Variants in SNX29 observed in about 807,000 individuals in gnomAD.
SNX29 encodes sorting nexin-29.
Under a neutral mutation model 102.1 loss-of-function variants are expected in SNX29, and 78 were observed. The observed-to-expected ratio is 0.76, with a 90% CI of 0.64 to 0.92. The LOEUF is 0.92. SNX29 is among the 40% of genes least tolerant of loss of function. The pLI is 0.00. For missense variants in SNX29, 1,280 were observed against 1,061.7 expected (o/e 1.21, Z -2.86); for synonymous variants, 580 against 414.5 (o/e 1.40, Z -4.85).
chr16:12,364,239 C>T (rs902651832), intron 16 of SNX29, among the ~76,000 whole-genome samples: 2 of 142,368 alleles, frequency 1.4e-5, no homozygotes, highest in African/African-American at 5.3e-5. Flanking sequence ...CAGGCTCTCA[C>T]TATATTGCCC....
chr16:12,117,896 C>G (rs1315995847), intron 11 of SNX29, among the ~76,000 whole-genome samples: 2 of 152,108 alleles, frequency 1.3e-5, no homozygotes, highest in East Asian at 1.9e-4. Context: ...GAGATTGAGA[C>G]CACCCTGGCT....
intron 20 of SNX29, among the ~76,000 whole-genome samples, chr16:12,567,469 A>G (rs1039091620): frequency 6.6e-6 from 1 of 152,220 alleles, no homozygotes; most frequent in East Asian, 1.9e-4. Flanking sequence ...CCCCTTATCT[A>G]GCAAAAGGGA....
At chr16:12,043,886 G>A (rs1433453002) in intron 5 of SNX29, among the ~76,000 whole-genome samples, 1 of 152,142 alleles carries the variant, frequency 6.6e-6, no homozygotes, top group Non-Finnish European at 1.5e-5. Context: ...CTGAGTAGCT[G>A]GGATTACAGG....
chr16:12,150,972 C>A lies in SNX29; in HGVS notation c.1595+21214C>A, dbSNP rs555948444. On this transcript the variant is annotated intron_variant, in intron 13 of 20. Coordinates refer to ENST00000566228, the MANE Select transcript of SNX29 (RefSeq NM_032167.5). ...TGACCTTGGCTTTCAGAGGACCTTCCCAGCAAAGATACCTTTCCCCTGTCT... is the reference window on the plus strand; with the variant it reads ...TGACCTTGGCTTTCAGAGGACCTTCACAGCAAAGATACCTTTCCCCTGTCT... Among the ~76,000 whole-genome samples, 3 of 152,136 alleles carry A rather than the reference C, an allele frequency of 2.0e-5. No individual in the cohort carries two copies. The South Asian group carries it at 6.2e-4, about 32-fold the overall frequency.
At chr16:12,268,747 T>C (rs559628687) in intron 14 of SNX29, among the ~76,000 whole-genome samples, 1 of 152,278 alleles carries the variant, frequency 6.6e-6, no homozygotes, top group East Asian at 1.9e-4. Flanking sequence ...TCTCACACTG[T>C]TTGCATCTGG....
Position 12,570,344 on chromosome 16 carries a change from A to C in SNX29, c.*1715A>C. 1.5e-6 allele frequency: 1 copy of C among 650,882 alleles called. No homozygotes were observed. The highest frequency in any genetic ancestry group is 2.0e-6 in the Non-Finnish European group (1 of 499,940). 40.3% of individuals were successfully genotyped at this position (650,882 alleles called of 1,614,324 possible). ...AGGCAACTTGGTCTCCCTCCCACTC[A>C]CCTGCCAACATTGCTGCAATACACA... On this transcript the variant is annotated 3_prime_UTR_variant, in exon 21 of 21. Transcript: ENST00000566228.
chr16:12,138,487 C>T (rs192677423), intron 13 of SNX29, among the ~76,000 whole-genome samples: 2 of 152,186 alleles, frequency 1.3e-5, no homozygotes, highest in Non-Finnish European at 2.9e-5. Context: ...GGCTTATAGG[C>T]GTGAGCCACC....
At chr16:12,560,143 C>A (rs1171914348) in intron 20 of SNX29, among the ~76,000 whole-genome samples, 2 of 45,072 alleles carry the variant, frequency 4.4e-5, no homozygotes, top group Non-Finnish European at 8.4e-5. Context: ...CCTCCCCCCC[C>A]CAACAAACAG....
chr16:12,260,744 G>GC (rs1167114088), intron 14 of SNX29, among the ~76,000 whole-genome samples: 4 of 151,612 alleles, frequency 2.6e-5, no homozygotes, highest in African/African-American at 9.7e-5. Flanking sequence ...CAGTTCACAC[G>GC]CCCCCAGCTG....
chr16:12,069,171 C>G (rs767750951), intron 10 of SNX29, 39 bp downstream of exon 10: 1 of 1,543,570 alleles, frequency 6.5e-7, no homozygotes, highest in Non-Finnish European at 8.9e-7. Context: ...GGCATTAAAA[C>G]ATCCTATTCA....
In SNX29 at chr16:12,543,212, C is replaced by G. The variant is rs1361657431; in HGVS notation, c.2318+18371C>G. Among the ~76,000 whole-genome samples the G allele has an allele frequency of 4.6e-5, 7 of 152,298 alleles. No homozygotes were observed. In the East Asian group the frequency reaches 1.2e-3, roughly 25 times the overall value. On this transcript the variant is annotated intron_variant, in intron 20 of 20. Transcript: ENST00000566228. ...GAAAAATCATATTCATCACGTTGCT[C>G]CTGATAGCTGTAGCGGAAATTCTAG...
At chr16:12,135,376 C>T (rs73519806) in intron 13 of SNX29, among the ~76,000 whole-genome samples, 3,723 of 152,340 alleles carry the variant, frequency 0.024, 160 homozygotes, top group African/African-American at 0.086. Context: ...TGTCCCTGCC[C>T]TCTGCCCCTA....
intron 19 of SNX29, among the ~76,000 whole-genome samples, chr16:12,510,902 G>GTCATCGCAGGTGGGGTCCT (rs1335186183): frequency 1.3e-5 from 2 of 152,144 alleles, no homozygotes; most frequent in Non-Finnish European, 2.9e-5. Context: ...GGTAGAAGGA[G>GTCATCGCAGGTGGGGTCCT]TCATCGCAGG....
intron 4 of SNX29, among the ~76,000 whole-genome samples, chr16:12,034,327 G>A (rs1223949815): frequency 6.6e-6 from 1 of 152,162 alleles, no homozygotes; most frequent in African/African-American, 2.4e-5. Flanking sequence ...GTTCCCTGTT[G>A]GTGATTTTCT....
At chr16:12,474,578 T>C (rs887521702) in intron 18 of SNX29, among the ~76,000 whole-genome samples, 1 of 152,198 alleles carries the variant, frequency 6.6e-6, no homozygotes, top group Non-Finnish European at 1.5e-5. Flanking sequence ...CTCTTGCATA[T>C]ACATTATGAA....
intron 14 of SNX29, among the ~76,000 whole-genome samples, chr16:12,256,476 T>C (rs544106401): frequency 1.3e-5 from 2 of 152,248 alleles, no homozygotes; most frequent in Non-Finnish European, 2.9e-5. Flanking sequence ...TACAGGCGTG[T>C]ACCATCATGC....
intron 20 of SNX29, among the ~76,000 whole-genome samples, chr16:12,549,367 C>G (rs137949804): frequency 1.9e-4 from 29 of 152,174 alleles, no homozygotes; most frequent in Non-Finnish European, 3.5e-4. Flanking sequence ...TGGTGGTGTG[C>G]ACCTGTAGTC....
intron 15 of SNX29, among the ~76,000 whole-genome samples, chr16:12,298,996 T>TAAAAA (rs371181294): frequency 7.1e-6 from 1 of 139,922 alleles, no homozygotes; most frequent in East Asian, 2.1e-4. Context: ...AATGAGTCTT[T>TAAAAA]AAAAAAAAAA....
Position 12,569,122 on chromosome 16 carries a change from CGGGGGGGGG to C in SNX29, c.*506_*514del, listed in dbSNP as rs869133814. ...CCTAACCTAGGGATGGCTGGCTTTG[CGGGGGGGGG>C]GGGGGGGGGGGGCATGGTTCCTTTC... On this transcript the variant is annotated 3_prime_UTR_variant, in exon 21 of 21. Transcript: ENST00000566228. 86 of 6,134 alleles carry C rather than the reference CGGGGGGGGG, an allele frequency of 0.014. No homozygotes were observed. The highest frequency in any genetic ancestry group is 0.051 in the African/African-American group (69 of 1,342). 0.4% of individuals were successfully genotyped at this position (6,134 alleles called of 1,614,324 possible).
Sources: allele counts gnomAD v4.1 joint callset (sites outside exome capture counted in the v4.1 genomes callset), GRCh38; gene constraint gnomAD v4.1.1; transcripts MANE v1.5; gene names NCBI Gene and HGNC (gene_info 2026-07-23, HGNC 2026-07-21).